ANO4: variants seen among roughly 807,000 people sequenced by gnomAD.
ANO4 encodes the protein anoctamin-4.
ANO4 carries 69 observed loss-of-function variants against 141.9 expected under a neutral mutation model. The ratio of observed to expected loss-of-function variants is 0.49; its 90% CI spans 0.40 to 0.59. ANO4 has a LOEUF of 0.59. Among genes scored for constraint, ANO4 ranks in the 20% least tolerant of loss-of-function variants. The pLI is 0.00. For missense variants in ANO4, 894 were observed against 1,162.2 expected (o/e 0.77, Z 3.36); for synonymous variants, 350 against 394.3 (o/e 0.89, Z 1.33).
At chr12:101,101,596 T>C (rs1285057575) in intron 22 of ANO4, among the ~76,000 whole-genome samples, 1 of 151,634 alleles carries the variant, frequency 6.6e-6, no homozygotes, top group Non-Finnish European at 1.5e-5. Context: ...CCTCCACATA[T>C]CATGAAATGT....
rs190201686 is a variant in ANO4, at chr12:100,733,886, T to A, written c.106+29T>A. 941 of 675,796 alleles carry A rather than the reference T, an allele frequency of 1.4e-3. 16 individuals carry two copies. The East Asian group carries it at 0.021, about 15-fold the overall frequency. 41.9% of individuals were successfully genotyped at this position (675,796 alleles called of 1,614,324 possible). A position where few individuals can be genotyped will look rare whatever the true frequency, so the allele number is the denominator to read the frequency against. ...AGCACTAGTGTCATTTTGATTTTTT[T>A]AAAAAAATATTATTGCCTGGAAAAG... On this transcript the variant is annotated intron_variant, in intron 2 of 29. Coordinates refer to the ANO4 transcript ENST00000644049.
chr12:100,765,922 A>G (rs180971788), intron 3 of ANO4, among the ~76,000 whole-genome samples: 1 of 152,020 alleles, frequency 6.6e-6, no homozygotes, highest in East Asian at 1.9e-4. Flanking sequence ...GAAATATACA[A>G]TGTGTTTTTA....
chr12:100,955,355 G>C lies in ANO4; in HGVS notation c.456+12820G>C, dbSNP rs560863980. ...TCACATGGCTGGAATGTTGGTGTTG[G>C]CTGTCAGCTGAAAGCTCAGTCAGGG... On this transcript the variant is annotated intron_variant, in intron 5 of 27. Transcript: ENST00000392977. 3.3e-5 allele frequency among the ~76,000 whole-genome samples: 5 copies of C among 152,276 alleles called. No homozygotes were observed. In the South Asian group the frequency reaches 1.0e-3, roughly 32 times the overall value.
chr12:101,071,572 AG>A (rs1283617119), intron 14 of ANO4, among the ~76,000 whole-genome samples: 4 of 151,726 alleles, frequency 2.6e-5, no homozygotes, highest in Non-Finnish European at 5.9e-5. Context: ...GCTGAAGAGG[AG>A]GGGGGATGGT....
At position 100,900,569 on chromosome 12, in the gene ANO4, G is replaced by C. The variant is rs114446619; in HGVS notation, c.-140-1077G>C. ...ATGCAGTGTTTGGGTTTTTCTGTCC[G>C]TCAATGATAGACTGGATTAAGAAAA... On this transcript the variant is annotated intron_variant, in intron 1 of 27. Coordinates refer to ENST00000392977, the MANE Select transcript of ANO4 (RefSeq NM_001286615.2). Among the ~76,000 whole-genome samples the C allele has an allele frequency of 7.7e-3, 1,167 of 151,172 alleles. 15 individuals carry two copies. The highest frequency in any genetic ancestry group is 0.027 in the African/African-American group (1,101 of 41,130).
intron 1 of ANO4, among the ~76,000 whole-genome samples, chr12:100,831,820 G>T (rs1432048852): frequency 6.6e-6 from 1 of 151,988 alleles, no homozygotes; most frequent in Non-Finnish European, 1.5e-5. Context: ...ACTTTTCTGG[G>T]CTGTGACTTC....
rs1395851900 is a variant in ANO4, at chr12:100,835,504, A to T, written c.-141+40477A>T. On this transcript the variant is annotated intron_variant, in intron 1 of 27. Coordinates refer to ENST00000392977, the MANE Select transcript of ANO4 (RefSeq NM_001286615.2). ...TTGGCATCATTGCTTTGATGTTGTA[A>T]AGTATTGACCACATAAACTACTATA... Among the ~76,000 whole-genome samples, 3 of 152,208 alleles carry T rather than the reference A, an allele frequency of 2.0e-5. No individual in the cohort carries two copies. The East Asian group carries it at 5.8e-4, about 29-fold the overall frequency.
Position 101,016,171 on chromosome 12 carries a change from G to C in ANO4, c.735-3863G>C, listed in dbSNP as rs77169055. 4.0e-4 allele frequency among the ~76,000 whole-genome samples: 61 copies of C among 152,262 alleles called. No homozygotes were observed. The East Asian group carries it at 0.011, about 27-fold the overall frequency. On this transcript the variant is annotated intron_variant, in intron 8 of 27. Transcript: ENST00000392977. Reference sequence around the variant, plus strand: ...GCTATAAAGGAATACCTGAGACTGGGTAGCTTATAAAGAAACGAGGTCTAT... The same window carrying C: ...GCTATAAAGGAATACCTGAGACTGGCTAGCTTATAAAGAAACGAGGTCTAT...
intron 1 of ANO4, among the ~76,000 whole-genome samples, chr12:100,871,569 G>T (rs116659893): frequency 0.017 from 2,641 of 152,256 alleles, 74 homozygotes; most frequent in African/African-American, 0.06. Flanking sequence ...CTGACAGCAA[G>T]GACTGTTAAT....
chr12:100,957,213 G>C (rs574512877), intron 5 of ANO4, among the ~76,000 whole-genome samples: 7 of 152,292 alleles, frequency 4.6e-5, no homozygotes, highest in African/African-American at 1.7e-4. Context: ...TTTGTGCTTC[G>C]TCACATCATG....
intron 14 of ANO4, among the ~76,000 whole-genome samples, chr12:101,056,391 A>G (rs1053282729): frequency 1.3e-5 from 2 of 152,226 alleles, no homozygotes; most frequent in Non-Finnish European, 1.5e-5. Flanking sequence ...TTCAATTGCC[A>G]GTTATTCATT....
intron 1 of ANO4, among the ~76,000 whole-genome samples, chr12:100,813,434 C>G (rs1351711077): frequency 3.3e-5 from 5 of 152,134 alleles, no homozygotes; most frequent in African/African-American, 1.2e-4. Flanking sequence ...TCTCACCTTC[C>G]CGTTTACAAT....
At chr12:100,740,759 A>G (rs555256585) in intron 3 of ANO4, among the ~76,000 whole-genome samples, 40 of 152,326 alleles carry the variant, frequency 2.6e-4, no homozygotes, top group Non-Finnish European at 4.6e-4. Context: ...GGTTGGAAAA[A>G]AAGTTTTTAA....
At chr12:101,088,240 C>G (rs1294900425) in intron 17 of ANO4, among the ~76,000 whole-genome samples, 4 of 152,012 alleles carry the variant, frequency 2.6e-5, no homozygotes, top group Non-Finnish European at 5.9e-5. Context: ...GTTCTCTCTG[C>G]CTGGAGCCTT....
intron 14 of ANO4, among the ~76,000 whole-genome samples, chr12:101,075,832 T>G (rs2136832548): frequency 6.6e-6 from 1 of 151,828 alleles, no homozygotes; most frequent in South Asian, 2.1e-4. Context: ...CTAGGCACAC[T>G]GAAAGTGCAG....
chr12:101,020,722 A>G (rs1388689830), intron 9 of ANO4, among the ~76,000 whole-genome samples: 1 of 152,202 alleles, frequency 6.6e-6, no homozygotes. Context: ...TTCTCCAGTC[A>G]TCTCCTCCAT....
At chr12:100,994,184 A>G (rs1457615522) in intron 8 of ANO4, among the ~76,000 whole-genome samples, 3 of 152,166 alleles carry the variant, frequency 2.0e-5, no homozygotes, top group Non-Finnish European at 2.9e-5. Flanking sequence ...CTTGAAAACC[A>G]TGGTTCTACT....
chr12:100,933,631 A>G (rs1019112769), intron 3 of ANO4, among the ~76,000 whole-genome samples: 1 of 152,234 alleles, frequency 6.6e-6, no homozygotes, highest in African/African-American at 2.4e-5. Flanking sequence ...TTAGGTGTAT[A>G]CCCAGTAATG....
At chr12:100,851,103 G>C (rs1023500646) in intron 1 of ANO4, among the ~76,000 whole-genome samples, 4 of 152,050 alleles carry the variant, frequency 2.6e-5, no homozygotes, top group African/African-American at 9.7e-5. Context: ...AGATCAAAGG[G>C]TATCAATATT....
Sources: gnomAD v4.1 joint callset for allele counts (sites outside exome capture counted in the v4.1 genomes callset) on GRCh38, gnomAD v4.1.1 for gene constraint, MANE v1.5 for transcripts, NCBI Gene and HGNC (gene_info 2026-07-23, HGNC 2026-07-21) for gene names.